The following ATP8A1 variants were observed in gnomAD, a reference collection of about 807,000 sequenced individuals.
ATP8A1 encodes ATPase phospholipid transporting 8A1.
Under a neutral mutation model 177.7 loss-of-function variants are expected in ATP8A1, and 90 were observed. The ratio of observed to expected loss-of-function variants is 0.51; its 90% CI spans 0.43 to 0.60. The LOEUF (loss-of-function observed/expected upper bound fraction) is 0.60. Among genes scored for constraint, ATP8A1 ranks in the 20% least tolerant of loss-of-function variants. ATP8A1 has a pLI of 0.00. For synonymous variants in ATP8A1, 493 were observed against 485.9 expected, an observed-to-expected ratio of 1.01 and a Z score of -0.19; for missense variants, 1,072 against 1,392.8, an observed-to-expected ratio of 0.77 and a Z score of 3.67.
chr4:42,413,965 G>A lies in ATP8A1; in HGVS notation c.3397+662C>T, dbSNP rs79868939. On this transcript the variant is annotated intron_variant, in intron 36 of 36. Coordinates refer to ENST00000381668, the MANE Select transcript of ATP8A1 (RefSeq NM_006095.2). ...CAGCATCACAAATAAACTCACTCAC[G>A]CCCCGACATGGCATGGGCATAAGGA... 1.3e-3 allele frequency among the ~76,000 whole-genome samples: 200 copies of A among 152,316 alleles called. 1 individual carries two copies. Among genetic ancestry groups the A allele is most frequent in the African/African-American group, 4.7e-3 (195 of 41,584 alleles).
intron 5 of ATP8A1, among the ~76,000 whole-genome samples, chr4:42,612,305 C>T (rs1736447718): frequency 6.6e-6 from 1 of 151,356 alleles, no homozygotes. Flanking sequence ...GGTTCATTTA[C>T]TCGTTCATTT....
intron 10 of ATP8A1, among the ~76,000 whole-genome samples, chr4:42,581,259 G>C (rs1733023043): frequency 6.6e-6 from 1 of 151,912 alleles, no homozygotes. Context: ...TCAGCCTCCC[G>C]AGTAGCTGGG....
chr4:42,558,220 G>C (rs1730449202), intron 15 of ATP8A1, among the ~76,000 whole-genome samples: 1 of 152,162 alleles, frequency 6.6e-6, no homozygotes, highest in Admixed American at 6.5e-5. Context: ...GCTCATATCA[G>C]TTAAAAATAA....
Position 42,586,077 on chromosome 4 carries a change from C to T in ATP8A1, c.722+272G>A, listed in dbSNP as rs540129873. 3.4e-4 allele frequency among the ~76,000 whole-genome samples: 51 copies of T among 152,228 alleles called. No individual in the cohort carries two copies. The South Asian group carries it at 9.3e-3, about 28-fold the overall frequency. On this transcript the variant is annotated intron_variant, in intron 9 of 36. Coordinates refer to ENST00000381668, the MANE Select transcript of ATP8A1 (RefSeq NM_006095.2). ...AATTCTTACTCCCATTGTTTACCCACGAAACAATGTGCCAGAAGCTGGGAA... is the reference window on the plus strand; with the variant it reads ...AATTCTTACTCCCATTGTTTACCCATGAAACAATGTGCCAGAAGCTGGGAA...
chr4:42,414,257 C>T (rs1452556961), intron 36 of ATP8A1, among the ~76,000 whole-genome samples: 1 of 152,096 alleles, frequency 6.6e-6, no homozygotes, highest in Non-Finnish European at 1.5e-5. Flanking sequence ...AAAATATATG[C>T]TTCCTTGTGT....
chr4:42,542,804 T>C (rs1728545535), intron 20 of ATP8A1, among the ~76,000 whole-genome samples: 1 of 152,188 alleles, frequency 6.6e-6, no homozygotes, highest in South Asian at 2.1e-4. Flanking sequence ...CCATGGTGTA[T>C]ATGTGTTAAA....
At chr4:42,510,873 A>G (rs373049286) in intron 22 of ATP8A1, among the ~76,000 whole-genome samples, 8 of 152,354 alleles carry the variant, frequency 5.3e-5, no homozygotes, top group South Asian at 4.1e-4. Context: ...TTTTCAAAGC[A>G]GGCACAAATA....
intron 35 of ATP8A1, among the ~76,000 whole-genome samples, chr4:42,415,361 G>T (rs148222307): frequency 6.8e-4 from 104 of 152,152 alleles, no homozygotes; most frequent in South Asian, 4.4e-3. Context: ...GTATTTTTCA[G>T]GAAGTGTTTA....
chr4:42,622,518 A>G (rs1737581214), intron 4 of ATP8A1, among the ~76,000 whole-genome samples: 1 of 152,190 alleles, frequency 6.6e-6, no homozygotes, highest in South Asian at 2.1e-4. Flanking sequence ...GCCAGAAGCA[A>G]TTGCAACAAA....
At chr4:42,420,023 A>ACAAAC (rs112970703) in intron 35 of ATP8A1, among the ~76,000 whole-genome samples, 7 of 151,766 alleles carry the variant, frequency 4.6e-5, no homozygotes, top group African/African-American at 1.7e-4. Flanking sequence ...AAACAAACAA[A>ACAAAC]AAAAAAAAAC....
intron 24 of ATP8A1, 129 bp from the exon 25 acceptor site, chr4:42,485,797 A>G (rs1398353024): frequency 2.4e-5 from 18 of 752,166 alleles, no homozygotes; most frequent in Non-Finnish European, 3.8e-5. Context: ...TTGCTTTCAC[A>G]TACTTTCAGT....
intron 1 of ATP8A1, among the ~76,000 whole-genome samples, chr4:42,635,095 T>C (rs545846267): frequency 2.7e-4 from 41 of 152,326 alleles, no homozygotes; most frequent in African/African-American, 9.6e-4. Context: ...TTGTGACCAG[T>C]GTAAATCAAT....
chr4:42,578,237 TAAC>T lies in ATP8A1; in HGVS notation c.1128+20_1128+22del. The T allele has an allele frequency of 1.9e-6, 3 of 1,567,516 alleles. No individual in the cohort carries two copies. Among genetic ancestry groups the T allele is most frequent in the Non-Finnish European group, 2.6e-6 (3 of 1,158,514 alleles). On this transcript the variant is annotated intron_variant, in intron 12 of 36. Transcript: ENST00000381668. ...AGGACAAAATTATTTTGTAGGGTGA[TAAC>T]AATCATAATTCATATTTACCCAATT...
rs142768449 is a variant in ATP8A1 at position 42,535,555 on chromosome 4, T to C, written c.1722+8362A>G. Among the ~76,000 whole-genome samples the C allele has an allele frequency of 1.2e-4, 18 of 152,250 alleles. No homozygotes were observed. In the East Asian group the frequency reaches 3.5e-3, roughly 29 times the overall value. On this transcript the variant is annotated intron_variant, in intron 20 of 36. Transcript: ENST00000381668. ...TCCAGTGACAGCACTAGATAGGTCA[T>C]CAAGACAGAAAGTCAACAAAGAAAC...
At chr4:42,601,037 T>TTC (rs1553913932) in intron 5 of ATP8A1, among the ~76,000 whole-genome samples, 3 of 112,610 alleles carry the variant, frequency 2.7e-5, no homozygotes, top group Non-Finnish European at 6.1e-5. Context: ...AATTTTCTTT[T>TTC]TTTTTTTTTT....
chr4:42,568,796 C>G (rs1731605191), intron 15 of ATP8A1, among the ~76,000 whole-genome samples: 1 of 152,050 alleles, frequency 6.6e-6, no homozygotes, highest in Admixed American at 6.6e-5. Context: ...CTGTAAAGTA[C>G]ATAAGTAGCG....
rs199585423 is a variant in ATP8A1 at position 42,469,903 on chromosome 4, TA to T, written c.2325-4828del. On this transcript the variant is annotated intron_variant, in intron 25 of 36. Coordinates refer to ENST00000381668, the MANE Select transcript of ATP8A1 (RefSeq NM_006095.2). Reference sequence around the variant, plus strand: ...AACAACTTAATTCTTCCTATGTCTATAAAAAAAATCACATATCCATGGCTGA... The same window carrying T: ...AACAACTTAATTCTTCCTATGTCTATAAAAAAATCACATATCCATGGCTGA... Among the ~76,000 whole-genome samples the T allele has an allele frequency of 5.9e-5, 9 of 152,190 alleles. No homozygotes were observed. In the East Asian group the frequency reaches 9.6e-4, roughly 16 times the overall value.
chr4:42,435,920 T>G (rs1421269813), intron 33 of ATP8A1, among the ~76,000 whole-genome samples: 3 of 152,324 alleles, frequency 2.0e-5, no homozygotes, highest in Admixed American at 2.0e-4. Flanking sequence ...TCTTTACTTA[T>G]TCTTCATTTA....
In ATP8A1 at chr4:42,638,631, C is replaced by A. The variant is rs147881760; in HGVS notation, c.50-11522G>T. ...TTTCATGCTTAACTGGAAAAGGAAC[C>A]AGAACAATGAAAGACAGAAGGAATT... is the stretch of plus-strand genomic sequence containing the variant. On this transcript the variant is annotated intron_variant, in intron 1 of 36. Transcript: ENST00000381668. 5.4e-3 allele frequency among the ~76,000 whole-genome samples: 829 copies of A among 152,204 alleles called. 11 individuals carry two copies. Among genetic ancestry groups the A allele is most frequent in the African/African-American group, 0.019 (782 of 41,524 alleles).
Sources: gnomAD v4.1 joint callset for allele counts (sites outside exome capture counted in the v4.1 genomes callset) on GRCh38, gnomAD v4.1.1 for gene constraint, MANE v1.5 for transcripts, NCBI Gene and HGNC (gene_info 2026-07-23, HGNC 2026-07-21) for gene names.